CDH11: variants seen among roughly 807,000 people sequenced by gnomAD.
CDH11 encodes cadherin 11, also known as cadherin-11.
A neutral mutation model predicts 67.8 loss-of-function variants in CDH11; 11 were observed. That is an observed-to-expected ratio of 0.16 (90% CI 0.10 to 0.27). CDH11 has a LOEUF of 0.27. Among genes scored for constraint, CDH11 ranks in the 10% least tolerant of loss-of-function variants. The pLI is 1.00. For synonymous variants in CDH11, 419 were observed against 400.0 expected (o/e 1.05, Z -0.57); for missense variants, 847 against 1,031.2 (o/e 0.82, Z 2.45).
intron 2 of CDH11, among the ~76,000 whole-genome samples, chr16:65,021,814 A>T (rs774643955): frequency 6.6e-4 from 97 of 147,388 alleles, no homozygotes; most frequent in Non-Finnish European, 1.1e-3. Context: ...GACCCATGAG[A>T]TGTCTCCAAA....
intron 8 of CDH11, among the ~76,000 whole-genome samples, chr16:64,974,527 A>T (rs775386385): frequency 1.3e-5 from 2 of 152,176 alleles, no homozygotes; most frequent in Non-Finnish European, 2.9e-5. Flanking sequence ...TGTTCTTTTC[A>T]GGAAAGAGGG....
At chr16:65,045,361 A>G (rs1053563650) in intron 2 of CDH11, among the ~76,000 whole-genome samples, 1 of 110,440 alleles carries the variant, frequency 9.1e-6, no homozygotes, top group South Asian at 3.0e-4. Flanking sequence ...ATATATATAT[A>G]TATATATATA....
intron 7 of CDH11, chr16:64,986,308 T>G (rs2072486222): frequency 6.6e-6 from 1 of 152,114 alleles, no homozygotes; most frequent in South Asian, 2.1e-4. Flanking sequence ...TTATAGAAGA[T>G]TATTCCTTTG....
chr16:65,034,470 G>T (rs2073712119), intron 2 of CDH11, among the ~76,000 whole-genome samples: 1 of 152,130 alleles, frequency 6.6e-6, no homozygotes, highest in South Asian at 2.1e-4. Context: ...CTGGCCACAG[G>T]CCACATGTAC....
chr16:64,957,393 C>T (rs1452624653), intron 11 of CDH11, among the ~76,000 whole-genome samples: 1 of 152,096 alleles, frequency 6.6e-6, no homozygotes, highest in East Asian at 1.9e-4. Context: ...AATCTGCCTA[C>T]TCTACGTTTC....
At chr16:65,118,021 G>A (rs988275594) in intron 1 of CDH11, among the ~76,000 whole-genome samples, 3 of 152,148 alleles carry the variant, frequency 2.0e-5, no homozygotes, top group African/African-American at 7.2e-5. Flanking sequence ...CCAACTGCTC[G>A]AGCAGTAGCT....
intron 2 of CDH11, among the ~76,000 whole-genome samples, chr16:65,022,034 G>A (rs2073438619): frequency 6.6e-6 from 1 of 152,148 alleles, no homozygotes; most frequent in African/African-American, 2.4e-5. Context: ...CATCAAGTAA[G>A]AGCAAACTTT....
chr16:64,959,390 T>C (rs2071610390), intron 11 of CDH11, among the ~76,000 whole-genome samples: 1 of 152,200 alleles, frequency 6.6e-6, no homozygotes, highest in Non-Finnish European at 1.5e-5. Flanking sequence ...AAGAACATAC[T>C]GCCCACGTAC....
intron 1 of CDH11, among the ~76,000 whole-genome samples, chr16:65,107,177 A>G (rs374903267): frequency 6.6e-6 from 1 of 152,210 alleles, no homozygotes; most frequent in African/African-American, 2.4e-5. Context: ...AGAGCAATGA[A>G]GAACACGGGA....
At chr16:65,069,986 CAGG>C (rs912869047) in intron 1 of CDH11, among the ~76,000 whole-genome samples, 5 of 152,052 alleles carry the variant, frequency 3.3e-5, no homozygotes, top group African/African-American at 1.2e-4. Flanking sequence ...TAGAATTTCC[CAGG>C]AGAACTCTTG....
At chr16:65,122,222 G>C (rs1199849060), upstream of CDH11, 1 of 512,636 alleles carries the variant, frequency 2.0e-6, no homozygotes, top group East Asian at 3.7e-5. Flanking sequence ...GAGGCAGCGA[G>C]ATGGGCCTCG....
intron 2 of CDH11, among the ~76,000 whole-genome samples, chr16:65,045,455 C>T (rs1052573046): frequency 6.7e-6 from 1 of 149,790 alleles, no homozygotes; most frequent in Non-Finnish European, 1.5e-5. Context: ...AACTCACTAG[C>T]CCTGCCACAA....
intron 1 of CDH11, among the ~76,000 whole-genome samples, chr16:65,082,466 G>GT (rs1157674181): frequency 6.6e-6 from 1 of 152,094 alleles, no homozygotes; most frequent in Admixed American, 6.6e-5. Context: ...TGGGCACCTG[G>GT]TATTCCTCTT....
At chr16:65,041,716 G>T (rs554480984) in intron 2 of CDH11, among the ~76,000 whole-genome samples, 1 of 152,326 alleles carries the variant, frequency 6.6e-6, no homozygotes, top group African/African-American at 2.4e-5. Flanking sequence ...CTCCGCGTTT[G>T]CTTGAGTGAA....
chr16:65,121,768 C>T lies in CDH11; in HGVS notation c.-298+112G>A, dbSNP rs2075335074. Reference sequence around the variant, plus strand: ...GAAGCCTTCTCGACTCAGATACCACCGTCCCCCTCACCACCCCGCCCCGCC... The same window carrying T: ...GAAGCCTTCTCGACTCAGATACCACTGTCCCCCTCACCACCCCGCCCCGCC... On this transcript the variant is annotated intron_variant, in intron 1 of 12. Coordinates refer to ENST00000268603, the MANE Select transcript of CDH11 (RefSeq NM_001797.4). This position sits in a 1 kb window ranked among gnomAD's most constrained non-coding sequence, Gnocchi z 4.1. 5.7e-6 allele frequency: 4 copies of T among 697,708 alleles called. No homozygotes were observed. The highest frequency in any genetic ancestry group is 1.0e-5 in the Non-Finnish European group (4 of 383,272). 43.2% of individuals were successfully genotyped at this position (697,708 alleles called of 1,614,324 possible).
intron 1 of CDH11, among the ~76,000 whole-genome samples, chr16:65,099,163 T>C (rs4967868): frequency 0.3 from 45,454 of 151,982 alleles, 7,851 homozygotes; most frequent in Middle Eastern, 0.4. Context: ...GAACAGCACA[T>C]AGACGGCTGT....
Position 64,950,762 on chromosome 16 carries a change from C to T in CDH11, c.1894+5G>A. The stretch of plus-strand genomic sequence containing the variant: ...TTCCTGCAGGGGACCAGGAAGCGCC[C>T]TTACCCAGGAGAATGACGATGCAGG... On this transcript the variant is annotated splice_donor_5th_base_variant and intron_variant, in intron 12 of 12. Coordinates refer to ENST00000268603, the MANE Select transcript of CDH11 (RefSeq NM_001797.4). 1 of 1,612,878 alleles carries T rather than the reference C, an allele frequency of 6.2e-7. No individual in the cohort carries two copies.
chr16:65,010,434 GAGA>G (rs1213811184), intron 2 of CDH11, among the ~76,000 whole-genome samples: 1 of 152,086 alleles, frequency 6.6e-6, no homozygotes, highest in Non-Finnish European at 1.5e-5. Context: ...GAGAATAGGG[GAGA>G]AGAAGTATTA....
chr16:65,019,443 A>G (rs1318238061), intron 2 of CDH11, among the ~76,000 whole-genome samples: 1 of 152,226 alleles, frequency 6.6e-6, no homozygotes, highest in Admixed American at 6.5e-5. Flanking sequence ...TATTCAAAAG[A>G]CAAACATAAG....
Sources: allele counts gnomAD v4.1 joint callset (sites outside exome capture counted in the v4.1 genomes callset), GRCh38; gene constraint gnomAD v4.1.1; non-coding constraint Gnocchi (gnomAD v3.1); transcripts MANE v1.5; gene names NCBI Gene and HGNC (gene_info 2026-07-23, HGNC 2026-07-21).